The following GAB2 variants were observed in gnomAD, a reference collection of about 807,000 sequenced individuals.
The protein encoded by GAB2 is GRB2 associated binding protein 2.
A neutral mutation model predicts 65.5 loss-of-function variants in GAB2; 26 were observed. The observed-to-expected ratio is 0.40, with a 90% CI of 0.29 to 0.55. The LOEUF is 0.55. Among genes scored for constraint, GAB2 ranks in the 20% least tolerant of loss-of-function variants. GAB2 has a pLI of 0.53. For synonymous variants in GAB2, 321 were observed against 329.6 expected, an observed-to-expected ratio of 0.97 and a Z score of 0.28; for missense variants, 884 against 875.8, an observed-to-expected ratio of 1.01 and a Z score of -0.12.
chr11:78,279,535 G>C (rs1866272990), intron 2 of GAB2, among the ~76,000 whole-genome samples: 1 of 152,112 alleles, frequency 6.6e-6, no homozygotes, highest in South Asian at 2.1e-4. Context: ...TCATGAAAGT[G>C]TACAAATATC....
At chr11:78,335,816 T>C (rs75190329) in intron 1 of GAB2, among the ~76,000 whole-genome samples, 7,625 of 152,240 alleles carry the variant, frequency 0.05, 602 homozygotes, top group African/African-American at 0.17. Context: ...AATCTATAGA[T>C]TTGGGTAGTA....
At chr11:78,260,547 C>T (rs1865701757) in intron 2 of GAB2, among the ~76,000 whole-genome samples, 1 of 151,708 alleles carries the variant, frequency 6.6e-6, no homozygotes, top group Non-Finnish European at 1.5e-5. Context: ...TCTTGGCTCA[C>T]TGAAACCTCC....
chr11:78,269,241 G>A (rs1023902394), intron 2 of GAB2, among the ~76,000 whole-genome samples: 1 of 151,984 alleles, frequency 6.6e-6, no homozygotes, highest in Non-Finnish European at 1.5e-5. Flanking sequence ...GCATATTACC[G>A]CCCACATTTG....
At chr11:78,264,881 A>G (rs1178399398) in intron 2 of GAB2, among the ~76,000 whole-genome samples, 1 of 152,194 alleles carries the variant, frequency 6.6e-6, no homozygotes, top group African/African-American at 2.4e-5. Context: ...TCGGGAGATA[A>G]AAGTAGCATG....
chr11:78,312,178 T>C (rs572761794), intron 1 of GAB2, among the ~76,000 whole-genome samples: 2 of 141,570 alleles, frequency 1.4e-5, no homozygotes, highest in South Asian at 4.8e-4. Flanking sequence ...GCATGACCTG[T>C]GGAGTTTAAA....
intron 1 of GAB2, among the ~76,000 whole-genome samples, chr11:78,392,796 C>G (rs1209134138): frequency 6.6e-6 from 1 of 152,202 alleles, no homozygotes; most frequent in Non-Finnish European, 1.5e-5. Flanking sequence ...ACTTTTCCAT[C>G]TGTAGATGAA....
intron 1 of GAB2, among the ~76,000 whole-genome samples, chr11:78,344,035 A>G (rs865847549): frequency 2.2e-4 from 34 of 152,338 alleles, no homozygotes; most frequent in Middle Eastern, 3.4e-3. Flanking sequence ...AGGACTGTCT[A>G]TAGAACAGCT....
chr11:78,316,468 T>C (rs1214414383), intron 1 of GAB2, among the ~76,000 whole-genome samples: 1 of 152,064 alleles, frequency 6.6e-6, no homozygotes, highest in Non-Finnish European at 1.5e-5. Context: ...ACAACTTAAC[T>C]AAAAATTGAC....
intron 1 of GAB2, chr11:78,363,871 A>T (rs1435029714): frequency 6.6e-6 from 1 of 152,166 alleles, no homozygotes; most frequent in African/African-American, 2.4e-5. Flanking sequence ...GGCATGAGCC[A>T]CTGTGCCTGG....
intron 1 of GAB2, among the ~76,000 whole-genome samples, chr11:78,303,779 T>C (rs761960506): frequency 5.3e-5 from 8 of 149,574 alleles, no homozygotes; most frequent in African/African-American, 5.1e-5. Flanking sequence ...TACTGTTTGA[T>C]TGAATTTACT....
At chr11:78,408,223 G>A (rs1857080191) in intron 1 of GAB2, among the ~76,000 whole-genome samples, 1 of 152,064 alleles carries the variant, frequency 6.6e-6, no homozygotes, top group Non-Finnish European at 1.5e-5. Context: ...AAATATTTAA[G>A]ACAATTATAT....
intron 1 of GAB2, among the ~76,000 whole-genome samples, chr11:78,401,410 G>C (rs1480626280): frequency 6.6e-6 from 1 of 151,604 alleles, no homozygotes; most frequent in Admixed American, 6.6e-5. Context: ...TTTGTGACTG[G>C]CTCATTTTAT....
At chr11:78,303,061 G>A (rs985027370) in intron 1 of GAB2, among the ~76,000 whole-genome samples, 1 of 152,180 alleles carries the variant, frequency 6.6e-6, no homozygotes, top group Non-Finnish European at 1.5e-5. Context: ...TGAGAGGAGG[G>A]TGATGGACAG....
chr11:78,320,162 C>T (rs1253807637), intron 1 of GAB2, among the ~76,000 whole-genome samples: 4 of 152,220 alleles, frequency 2.6e-5, no homozygotes, highest in Admixed American at 2.0e-4. Context: ...TGAGCCACTG[C>T]GCCCAGGTGA....
intron 1 of GAB2, among the ~76,000 whole-genome samples, chr11:78,378,821 G>A (rs1205895322): frequency 1.3e-5 from 2 of 152,078 alleles, no homozygotes; most frequent in African/African-American, 4.8e-5. Context: ...AAATCATATG[G>A]CAGAATAGAG....
chr11:78,279,043 A>C (rs1358824477), intron 2 of GAB2, among the ~76,000 whole-genome samples: 1 of 152,134 alleles, frequency 6.6e-6, no homozygotes, highest in Non-Finnish European at 1.5e-5. Flanking sequence ...TAAAGGAAAA[A>C]AACAAAAACA....
At chr11:78,372,862 C>T (rs1856589337) in intron 1 of GAB2, among the ~76,000 whole-genome samples, 2 of 151,456 alleles carry the variant, frequency 1.3e-5, no homozygotes, top group Non-Finnish European at 2.9e-5. Context: ...TTTGCATTCT[C>T]CCCTTTCCCC....
chr11:78,235,494 G>C (rs187361464), intron 3 of GAB2, among the ~76,000 whole-genome samples: 1 of 152,096 alleles, frequency 6.6e-6, no homozygotes, highest in South Asian at 2.1e-4. Context: ...CAAATTTTCC[G>C]AACATTTATG....
Position 78,216,122 on chromosome 11 carries a change from G to A in GAB2, c.*3150C>T, listed in dbSNP as rs1385869479. 1 of 152,662 alleles carries A rather than the reference G, an allele frequency of 6.6e-6. No homozygotes were observed. The highest frequency in any genetic ancestry group is 1.5e-5 in the Non-Finnish European group (1 of 68,068). 9.5% of individuals were successfully genotyped at this position (152,662 alleles called of 1,614,324 possible). ...AAGCAGCTGAGCACCAGCTGTGGAT[G>A]GGACCTCAGCGCAGCTAATCCAACC... is the stretch of plus-strand genomic sequence containing the variant. On this transcript the variant is annotated 3_prime_UTR_variant, in exon 10 of 10. Coordinates refer to ENST00000361507, the MANE Select transcript of GAB2 (RefSeq NM_080491.3).
Sources: allele counts gnomAD v4.1 joint callset (sites outside exome capture counted in the v4.1 genomes callset), GRCh38; gene constraint gnomAD v4.1.1; transcripts MANE v1.5; gene names NCBI Gene and HGNC (gene_info 2026-07-23, HGNC 2026-07-21).